ESYT2: variants seen among roughly 807,000 people sequenced by gnomAD.
ESYT2 encodes the protein extended synaptotagmin 2.
A neutral mutation model predicts 107.2 loss-of-function variants in ESYT2; 54 were observed. The observed-to-expected ratio is 0.50, with a 90% CI of 0.40 to 0.63. ESYT2 has a LOEUF of 0.63. Ranked by LOEUF, ESYT2 falls within the 30% of genes least tolerant of loss-of-function variation. The pLI is 0.00. For synonymous variants in ESYT2, 491 were observed against 434.1 expected, an observed-to-expected ratio of 1.13 and a Z score of -1.63; for missense variants, 1,020 against 1,094.5, an observed-to-expected ratio of 0.93 and a Z score of 0.96.
At chr7:158,748,957 C>T (rs1441814708) in intron 15 of ESYT2, among the ~76,000 whole-genome samples, 5 of 152,030 alleles carry the variant, frequency 3.3e-5, no homozygotes, top group Non-Finnish European at 7.4e-5. Flanking sequence ...CTTTTCAAGT[C>T]GTAATTCTAA....
chr7:158,803,898 C>A (rs1250927452), intron 1 of ESYT2, among the ~76,000 whole-genome samples: 1 of 32,890 alleles, frequency 3.0e-5, no homozygotes, highest in African/African-American at 1.1e-4. Context: ...GTGAGGCGCG[C>A]GACAAACCCA....
chr7:158,751,373 G>A (rs778827240), intron 14 of ESYT2, among the ~76,000 whole-genome samples: 3 of 152,110 alleles, frequency 2.0e-5, no homozygotes, highest in Non-Finnish European at 4.4e-5. Flanking sequence ...ATGAAATAAG[G>A]TTAAATCATT....
intron 14 of ESYT2, among the ~76,000 whole-genome samples, chr7:158,752,192 A>C (rs974146131): frequency 1.3e-5 from 2 of 152,252 alleles, no homozygotes; most frequent in African/African-American, 4.8e-5. Flanking sequence ...AAAACATTAA[A>C]TCATAAGAAA....
intron 8 of ESYT2, among the ~76,000 whole-genome samples, 180 bp downstream of exon 8, chr7:158,767,474 C>T (rs543627778): frequency 2.0e-4 from 30 of 152,318 alleles, no homozygotes; most frequent in African/African-American, 6.7e-4. Flanking sequence ...TTAGGATCAG[C>T]GCACATCAGT....
intron 6 of ESYT2, 57 bp downstream of exon 6, chr7:158,787,947 G>A (rs1173383937): frequency 5.2e-6 from 7 of 1,352,522 alleles, no homozygotes; most frequent in South Asian, 2.3e-5. Flanking sequence ...ATTCTTCCAC[G>A]GGTATGTATT....
intron 6 of ESYT2, among the ~76,000 whole-genome samples, chr7:158,781,753 TGA>T (rs1317849742): frequency 4.6e-4 from 68 of 149,416 alleles, no homozygotes; most frequent in Non-Finnish European, 7.1e-4. Context: ...GAACAAAGTG[TGA>T]GAGATGTGAG....
At chr7:158,822,528 TGA>T (rs796757752) in intron 1 of ESYT2, among the ~76,000 whole-genome samples, 80 of 152,232 alleles carry the variant, frequency 5.3e-4, no homozygotes, top group African/African-American at 1.9e-3. Context: ...TCAGAAGTGC[TGA>T]GATAGGAGGA....
At chr7:158,825,987 C>G (rs1401871526) in intron 1 of ESYT2, among the ~76,000 whole-genome samples, 2 of 150,988 alleles carry the variant, frequency 1.3e-5, no homozygotes, top group African/African-American at 4.9e-5. Context: ...AAGTTTGAGA[C>G]CAGCCTGGAC....
chr7:158,788,963 C>T (rs1204509470), intron 4 of ESYT2, among the ~76,000 whole-genome samples: 1 of 152,114 alleles, frequency 6.6e-6, no homozygotes, highest in Non-Finnish European at 1.5e-5. Flanking sequence ...TAAGTCATTT[C>T]AAATATTAAT....
At chr7:158,800,835 TCTC>T (rs1839619881) in intron 1 of ESYT2, among the ~76,000 whole-genome samples, 1 of 151,764 alleles carries the variant, frequency 6.6e-6, no homozygotes, top group South Asian at 2.1e-4. Context: ...TTCAAGTGAT[TCTC>T]CTGCCTCAGC....
intron 6 of ESYT2, among the ~76,000 whole-genome samples, chr7:158,784,090 G>T (rs552267848): frequency 5.3e-5 from 8 of 152,294 alleles, no homozygotes; most frequent in African/African-American, 1.7e-4. Flanking sequence ...GGAGAGCTCT[G>T]GCCCCAAGAC....
chr7:158,759,907 C>T, intron 12 of ESYT2, 151 bp downstream of exon 12: 1 of 670,706 alleles, frequency 1.5e-6, no homozygotes. Flanking sequence ...TTTAATTTAT[C>T]CCTGATGCTA....
At chr7:158,744,052 T>C (rs73517581) in intron 16 of ESYT2, 21,607 of 174,032 alleles carry the variant, frequency 0.12, 2,324 homozygotes, top group East Asian at 0.55. Context: ...CCAGCCTGGG[T>C]GACAAAACTG....
In ESYT2 at chr7:158,773,350, G is replaced by A. The variant is rs1671679344; in HGVS notation, c.794C>T (p.Pro265Leu). 1 of 1,613,926 alleles carries A rather than the reference G, an allele frequency of 6.2e-7. No homozygotes were observed. Among genetic ancestry groups the A allele is most frequent in the Non-Finnish European group, 8.5e-7 (1 of 1,179,994 alleles). Residue 265 changes from proline (P) to leucine (L), a missense_variant, in exon 7 of 23, where the codon CCT (proline) becomes CTT (leucine). By Grantham distance (98) the Pro-to-Leu change is moderately conservative. Transcript: ENST00000275418. ...CAGACACGAGACTTACTTCAATCCA[G>A]GGACATCCAGAAGATTCGTCAGTCC... ...WTGLTNLLDV[P>L]GLNGLSDTII...
chr7:158,767,171 T>A (rs527420827), intron 8 of ESYT2, among the ~76,000 whole-genome samples: 1 of 152,332 alleles, frequency 6.6e-6, no homozygotes, highest in African/African-American at 2.4e-5. Context: ...GGGCAGCTGT[T>A]GTATAAGTGC....
chr7:158,797,819 A>G, intron 3 of ESYT2, 123 bp downstream of exon 3: 1 of 1,328,872 alleles, frequency 7.5e-7, no homozygotes, highest in Admixed American at 2.5e-5. Context: ...GTGCCACTGC[A>G]CTCCAGCCTG....
intron 6 of ESYT2, among the ~76,000 whole-genome samples, chr7:158,778,008 G>T (rs879439679): frequency 6.6e-6 from 1 of 152,118 alleles, no homozygotes; most frequent in Non-Finnish European, 1.5e-5. Flanking sequence ...TCTACGAAGC[G>T]CAATAAAGCA....
intron 6 of ESYT2, among the ~76,000 whole-genome samples, chr7:158,786,235 A>C (rs1165920134): frequency 1.3e-5 from 2 of 152,212 alleles, no homozygotes; most frequent in African/African-American, 4.8e-5. Flanking sequence ...AGAAGATTTA[A>C]AGATTTGGAT....
At chr7:158,745,864 T>C (rs540620485) in intron 16 of ESYT2, among the ~76,000 whole-genome samples, 2 of 152,194 alleles carry the variant, frequency 1.3e-5, no homozygotes, top group African/African-American at 4.8e-5. Context: ...GTGAAATTTA[T>C]TGGAGTAAAT....
Sources: gnomAD v4.1 joint callset for allele counts (sites outside exome capture counted in the v4.1 genomes callset) on GRCh38, gnomAD v4.1.1 for gene constraint, MANE v1.5 for transcripts, NCBI Gene and HGNC (gene_info 2026-07-23, HGNC 2026-07-21) for gene names.